CSTPP1: variants seen among roughly 807,000 people sequenced by gnomAD.
CSTPP1 encodes centriolar satellite-associated tubulin polyglutamylase complex regulator 1, also known as UPF0705 protein C11orf49.
the CSTPP1 span, among the ~76,000 whole-genome samples, chr11:47,127,358 T>A: frequency 6.6e-6 from 1 of 152,184 alleles, no homozygotes; most frequent in Non-Finnish European, 1.5e-5. Context: ...ATCAGCACTA[T>A]TAAAAGTGAG....
At chr11:47,130,405 C>T in the CSTPP1 span, among the ~76,000 whole-genome samples, 2 of 152,176 alleles carry the variant, frequency 1.3e-5, no homozygotes, top group South Asian at 4.1e-4. Context: ...AGGCCATTGC[C>T]TCTTATTCCT....
chr11:47,122,289 A>G, the CSTPP1 span, among the ~76,000 whole-genome samples: 2 of 151,582 alleles, frequency 1.3e-5, no homozygotes, highest in African/African-American at 4.8e-5. Flanking sequence ...CATTATAATA[A>G]GATCCAAAAA....
the CSTPP1 span, among the ~76,000 whole-genome samples, chr11:47,024,326 A>G: frequency 1.3e-5 from 2 of 151,466 alleles, no homozygotes; most frequent in African/African-American, 4.8e-5. Context: ...ATAGCCTCCC[A>G]AAGTGCTGGG....
At chr11:46,974,760 T>A in the CSTPP1 span, among the ~76,000 whole-genome samples, 1 of 150,016 alleles carries the variant, frequency 6.7e-6, no homozygotes, top group African/African-American at 2.5e-5. Context: ...GAGGCTGAGG[T>A]GGGAGGCTCG....
At chr11:47,016,327 G>GA in the CSTPP1 span, among the ~76,000 whole-genome samples, 162 of 110,218 alleles carry the variant, frequency 1.5e-3, 2 homozygotes, top group African/African-American at 3.8e-4. Flanking sequence ...AAGAAAACTT[G>GA]AAAAAAAACA....
the CSTPP1 span, among the ~76,000 whole-genome samples, chr11:46,964,394 T>A: frequency 6.6e-6 from 1 of 152,072 alleles, no homozygotes; most frequent in Non-Finnish European, 1.5e-5. Context: ...CACGCCATTC[T>A]CCTGCCTTAG....
At chr11:47,072,734 T>C in the CSTPP1 span, among the ~76,000 whole-genome samples, 2 of 152,080 alleles carry the variant, frequency 1.3e-5, no homozygotes, top group Non-Finnish European at 1.5e-5. Flanking sequence ...TTACAATAGA[T>C]GTGATGACAA....
At chr11:47,052,291 GT>G in the CSTPP1 span, 1 of 1,447,708 alleles carries the variant, frequency 6.9e-7, no homozygotes, top group Non-Finnish European at 9.2e-7. Context: ...AAAATTCCCC[GT>G]TTTTGGCAGT....
chr11:46,990,229 A>C, the CSTPP1 span, among the ~76,000 whole-genome samples: 1 of 152,202 alleles, frequency 6.6e-6, no homozygotes, highest in East Asian at 1.9e-4. Context: ...TTTCCACAGT[A>C]GCTGAATTAA....
the CSTPP1 span, among the ~76,000 whole-genome samples, chr11:47,003,134 A>AC: frequency 6.6e-6 from 1 of 152,202 alleles, no homozygotes; most frequent in African/African-American, 2.4e-5. Flanking sequence ...ACACAATGAG[A>AC]CCCCTGTCTC....
At chr11:47,152,444 CCT>C in the CSTPP1 span, among the ~76,000 whole-genome samples, 1 of 151,990 alleles carries the variant, frequency 6.6e-6, no homozygotes, top group Non-Finnish European at 1.5e-5. Context: ...AAGGGTGTGC[CCT>C]GTTTATAGCT....
chr11:47,071,644 G>C, the CSTPP1 span, among the ~76,000 whole-genome samples: 1 of 152,106 alleles, frequency 6.6e-6, no homozygotes, highest in African/African-American at 2.4e-5. Context: ...GCTGGGTCGT[G>C]CTTACTTATA....
chr11:47,161,159 G>A, the CSTPP1 span: 50 of 1,614,084 alleles, frequency 3.1e-5, no homozygotes, highest in African/African-American at 6.7e-5. Flanking sequence ...TCTGATGCAC[G>A]ACCCAGCAAT....
chr11:47,122,120 T>TA, the CSTPP1 span, among the ~76,000 whole-genome samples: 2 of 72,038 alleles, frequency 2.8e-5, no homozygotes, highest in African/African-American at 9.4e-5. Context: ...ATATATATAT[T>TA]AGAAAAATGA....
the CSTPP1 span, among the ~76,000 whole-genome samples, chr11:47,087,553 G>T: frequency 2.0e-5 from 3 of 152,142 alleles, no homozygotes; most frequent in Non-Finnish European, 4.4e-5. Context: ...ACAAAAATTA[G>T]CTGGGCATGG....
At chr11:46,993,458 G>A in the CSTPP1 span, among the ~76,000 whole-genome samples, 6 of 151,826 alleles carry the variant, frequency 4.0e-5, no homozygotes, top group Non-Finnish European at 7.4e-5. Context: ...TTTGTATAAG[G>A]TGTAAGGAAG....
At chr11:47,141,115 A>T in the CSTPP1 span, among the ~76,000 whole-genome samples, 1 of 152,200 alleles carries the variant, frequency 6.6e-6, no homozygotes, top group Non-Finnish European at 1.5e-5. Flanking sequence ...TTCACATACC[A>T]TACACTTCAC....
At chr11:46,955,994 C>T in the CSTPP1 span, among the ~76,000 whole-genome samples, 5 of 149,344 alleles carry the variant, frequency 3.3e-5, no homozygotes, top group East Asian at 2.0e-4. Flanking sequence ...CCACCCCCCC[C>T]CCCCCACCAA....
the CSTPP1 span, chr11:47,155,461 C>T: frequency 1.6e-6 from 1 of 612,850 alleles, no homozygotes; most frequent in Non-Finnish European, 2.9e-6. Context: ...CCGACTTCCT[C>T]AGCCTCCTGA....
Sources: allele counts gnomAD v4.1 joint callset (sites outside exome capture counted in the v4.1 genomes callset), GRCh38; gene constraint gnomAD v4.1.1; transcripts MANE v1.5; gene names NCBI Gene and HGNC (gene_info 2026-07-23, HGNC 2026-07-21).